TENM1: variants seen among roughly 807,000 people sequenced by gnomAD.
TENM1 encodes the protein teneurin-1.
TENM1 carries 35 observed loss-of-function variants against 174.8 expected under a neutral mutation model. That is an observed-to-expected ratio of 0.20 (90% CI 0.15 to 0.27). The LOEUF is 0.27. Among genes scored for constraint, TENM1 ranks in the 10% least tolerant of loss-of-function variants. The probability of loss-of-function intolerance (pLI) is 1.00; values close to 1 mark genes in which losing one functional copy is unlikely to be tolerated. For missense variants in TENM1, 1,633 were observed against 2,130.1 expected, an observed-to-expected ratio of 0.77 and a Z score of 4.59; for synonymous variants, 781 against 798.7, an observed-to-expected ratio of 0.98 and a Z score of 0.37.
intron 3 of TENM1, among the ~76,000 whole-genome samples, chrX:124,805,121 G>A (rs146722634): frequency 7.1e-4 from 79 of 111,542 alleles, no homozygotes; most frequent in Middle Eastern, 4.6e-3. Context: ...ACTCAAAGTC[G>A]CACAATTACT....
In TENM1 at chrX:124,707,502, T is replaced by C. The variant is rs889525210; in HGVS notation, c.777-2251A>G. On this transcript the variant is annotated intron_variant, in intron 4 of 31. Transcript: ENST00000422452. Reference sequence around the variant, plus strand: ...CTGAATAATAGGATTTGAACCAAGCTGGCTAAGACTGACTGGACCCAACGT... The same window carrying C: ...CTGAATAATAGGATTTGAACCAAGCCGGCTAAGACTGACTGGACCCAACGT... Among the ~76,000 whole-genome samples, 9 of 111,192 alleles carry C rather than the reference T, an allele frequency of 8.1e-5. No individual in the cohort carries two copies. In the South Asian group the frequency reaches 3.5e-3, roughly 43 times the overall value.
intron 3 of TENM1, among the ~76,000 whole-genome samples, chrX:124,863,649 C>T (rs2056953345): frequency 8.9e-6 from 1 of 111,979 alleles, no homozygotes; most frequent in Admixed American, 9.4e-5. Context: ...ACCTCTAGTC[C>T]CTGACTCCTG....
the TENM1 span, among the ~76,000 whole-genome samples, chrX:125,004,860 T>G: frequency 9.0e-6 from 1 of 111,312 alleles, no homozygotes; most frequent in Non-Finnish European, 1.9e-5. Flanking sequence ...ATTTCTATTA[T>G]TTTTCAACAT....
chrX:124,993,814 G>GCACA, the TENM1 span, among the ~76,000 whole-genome samples: 163 of 107,175 alleles, frequency 1.5e-3, 1 homozygote, highest in Middle Eastern at 4.7e-3. Flanking sequence ...ACGTGTGCAT[G>GCACA]CACACACACA....
At chrX:125,051,343 C>T in the TENM1 span, among the ~76,000 whole-genome samples, 1 of 110,185 alleles carries the variant, frequency 9.1e-6, no homozygotes, top group Admixed American at 9.7e-5. Flanking sequence ...GAAAAAACTA[C>T]TTTAAAGTTC....
At chrX:124,442,314 G>T (rs1164163398) in intron 23 of TENM1, among the ~76,000 whole-genome samples, 1 of 112,214 alleles carries the variant, frequency 8.9e-6, no homozygotes, top group Non-Finnish European at 1.9e-5. Context: ...TCCCCTGGGA[G>T]ATCCCTTTAT....
intron 1 of TENM1, among the ~76,000 whole-genome samples, chrX:124,909,692 C>T (rs1040607379): frequency 8.9e-6 from 1 of 112,140 alleles, no homozygotes; most frequent in Non-Finnish European, 1.9e-5. Flanking sequence ...TTCTGTGCTT[C>T]CAGACAACAC....
intron 4 of TENM1, among the ~76,000 whole-genome samples, chrX:124,713,835 T>C (rs185657755): frequency 8.9e-6 from 1 of 112,173 alleles, no homozygotes; most frequent in East Asian, 2.8e-4. Context: ...AAGTGTTCTA[T>C]TTGCGGGCAA....
At chrX:125,168,239 A>G in the TENM1 span, among the ~76,000 whole-genome samples, 1 of 111,956 alleles carries the variant, frequency 8.9e-6, no homozygotes, top group Non-Finnish European at 1.9e-5. Context: ...CACTTATTTC[A>G]GCCTCAGAGC....
the TENM1 span, among the ~76,000 whole-genome samples, chrX:125,015,910 T>C: frequency 1.8e-5 from 2 of 111,585 alleles, no homozygotes; most frequent in Non-Finnish European, 3.8e-5. Flanking sequence ...TCATCATTTG[T>C]TTACTAAGCA....
At chrX:125,142,742 CA>C in the TENM1 span, among the ~76,000 whole-genome samples, 1 of 111,225 alleles carries the variant, frequency 9.0e-6, no homozygotes, top group African/African-American at 3.3e-5. Context: ...GTCATTCTAA[CA>C]AGGATAAGAT....
In TENM1 at chrX:124,384,708, C is replaced by T. The variant is rs1226284615; in HGVS notation, c.6223G>A (p.Val2075Ile). The T allele has an allele frequency of 2.5e-6, 3 of 1,209,743 alleles. No individual in the cohort carries two copies. In the Admixed American group the frequency reaches 6.6e-5, roughly 26 times the overall value. Reference sequence around the variant, plus strand: ...TGCTCTGTTCTGCCAGAGACATCAACATATCGGTAAAGATCTATAGGCAAA... The same window carrying T: ...TGCTCTGTTCTGCCAGAGACATCAATATATCGGTAAAGATCTATAGGCAAA... Residue 2075 changes from valine (V) to isoleucine (I), a missense_variant, in exon 30 of 32, where the codon GTT becomes ATT. By Grantham distance (29) the Val-to-Ile change is conservative (BLOSUM62 3). Around this residue, in one of 4 missense-constraint regions of TENM1, gnomAD observed 807 missense variants for 1,125.3 expected, o/e 0.72. Transcript: ENST00000422452.
intron 22 of TENM1, among the ~76,000 whole-genome samples, chrX:124,455,621 A>G (rs2061095765): frequency 2.7e-5 from 3 of 111,519 alleles, no homozygotes; most frequent in Admixed American, 1.9e-4. Context: ...TGTGCTCGAC[A>G]TGTACGAAAT....
At chrX:124,757,323 C>T (rs747594169) in intron 3 of TENM1, among the ~76,000 whole-genome samples, 37 of 112,497 alleles carry the variant, frequency 3.3e-4, no homozygotes, top group Non-Finnish European at 4.3e-4. Flanking sequence ...TCTCCTGGTG[C>T]GCCGTTTTTT....
the TENM1 span, among the ~76,000 whole-genome samples, chrX:125,026,746 ATTAAC>A: frequency 8.9e-6 from 1 of 112,261 alleles, no homozygotes; most frequent in Non-Finnish European, 1.9e-5. Flanking sequence ...AATTAATGTA[ATTAAC>A]TTAATTAACA....
intron 3 of TENM1, among the ~76,000 whole-genome samples, chrX:124,825,582 C>T (rs2147310096): frequency 8.9e-6 from 1 of 111,814 alleles, no homozygotes; most frequent in East Asian, 2.8e-4. Context: ...CTATAATATC[C>T]ATGATTGAAA....
the TENM1 span, among the ~76,000 whole-genome samples, chrX:125,056,882 T>C: frequency 8.9e-6 from 1 of 112,064 alleles, no homozygotes; most frequent in East Asian, 2.8e-4. Flanking sequence ...CTACTGATTT[T>C]TGATCATGTC....
At chrX:124,552,641 T>C (rs931622545) in intron 14 of TENM1, among the ~76,000 whole-genome samples, 1 of 112,195 alleles carries the variant, frequency 8.9e-6, no homozygotes, top group Non-Finnish European at 1.9e-5. Context: ...AATAAAAGCC[T>C]AAGTCTGAAC....
intron 20 of TENM1, among the ~76,000 whole-genome samples, chrX:124,489,033 T>C (rs1365250733): frequency 8.9e-6 from 1 of 112,733 alleles, no homozygotes; most frequent in Non-Finnish European, 1.9e-5. Flanking sequence ...TTCCAGTGTG[T>C]GACCTTGTTC....
Sources: allele counts gnomAD v4.1 joint callset (sites outside exome capture counted in the v4.1 genomes callset), GRCh38; gene constraint gnomAD v4.1.1; regional missense constraint gnomAD v4.1.1; transcripts MANE v1.5; gene names NCBI Gene and HGNC (gene_info 2026-07-23, HGNC 2026-07-21).